RBL1: variants seen among roughly 807,000 people sequenced by gnomAD.
The protein encoded by RBL1 is retinoblastoma-like protein 1.
A neutral mutation model predicts 123.0 loss-of-function variants in RBL1; 82 were observed. The ratio of observed to expected loss-of-function variants is 0.67; its 90% CI spans 0.56 to 0.80. The LOEUF (loss-of-function observed/expected upper bound fraction) is 0.80. Among genes scored for constraint, RBL1 ranks in the 30% least tolerant of loss-of-function variants. The pLI is 0.00. For synonymous variants in RBL1, 405 were observed against 441.3 expected (o/e 0.92, Z 1.03); for missense variants, 1,171 against 1,299.6 (o/e 0.90, Z 1.52).
intron 1 of RBL1, among the ~76,000 whole-genome samples, chr20:37,090,014 TAC>T (rs2065622405): frequency 6.6e-6 from 1 of 152,224 alleles, no homozygotes; most frequent in African/African-American, 2.4e-5. Flanking sequence ...ATCGTGCCAC[TAC>T]AGTCTAGCCT....
At chr20:37,013,561 C>G (rs933124993) in intron 19 of RBL1, among the ~76,000 whole-genome samples, 52 of 144,144 alleles carry the variant, frequency 3.6e-4, no homozygotes, top group Admixed American at 2.2e-3. Context: ...TCTCCCTCTG[C>G]GAGAAACACC....
Position 37,055,590 on chromosome 20 carries a change from A to T in RBL1, c.1430T>A (p.Val477Asp). Residue 477 changes from valine to aspartate, a missense_variant, in exon 11 of 22, where the codon GTT becomes GAT. By Grantham distance (152) the Val-to-Asp change is radical. Transcript: ENST00000373664. ...TCCATGAAGTCTTCGTGTTTCCTGA[A>T]CCATTACAGTCTCTAGTATTTTATA... Reference protein sequence around the residue: ...LYYKILETVMVQETRRLHGMD... With the variant: ...LYYKILETVMDQETRRLHGMD... 6.2e-7 allele frequency: 1 copy of T among 1,614,122 alleles called. No individual in the cohort carries two copies. Among genetic ancestry groups the T allele is most frequent in the Non-Finnish European group, 8.5e-7 (1 of 1,180,034 alleles).
chr20:37,067,946 C>T, intron 3 of RBL1, 40 bp downstream of exon 3: 2 of 1,586,530 alleles, frequency 1.3e-6, no homozygotes, highest in South Asian at 1.2e-5. Flanking sequence ...TAGTTTGTAT[C>T]ATAATCTTTA....
intron 9 of RBL1, among the ~76,000 whole-genome samples, chr20:37,058,128 A>C (rs2065039605): frequency 7.1e-6 from 1 of 141,224 alleles, no homozygotes; most frequent in Non-Finnish European, 1.5e-5. Flanking sequence ...AAAAAAAAAA[A>C]ACAAAACAAA....
intron 12 of RBL1, 85 bp from the exon 13 acceptor site, chr20:37,044,335 C>T: frequency 8.4e-7 from 1 of 1,185,364 alleles, no homozygotes; most frequent in Non-Finnish European, 1.2e-6. Flanking sequence ...CTGTGGCTTT[C>T]TTCTTCTTCT....
At chr20:37,045,081 C>CTTACTTACTTACTTACTTAT (rs1555857366) in intron 12 of RBL1, among the ~76,000 whole-genome samples, 1 of 146,172 alleles carries the variant, frequency 6.8e-6, no homozygotes, top group Admixed American at 6.9e-5. Flanking sequence ...CATTTATTTA[C>CTTACTTACTTACTTACTTAT]TTATTTATTT....
chr20:37,032,763 A>C lies in RBL1; in HGVS notation c.2284T>G (p.Ser762Ala), dbSNP rs144106101. 14 of 1,613,930 alleles carry C rather than the reference A, an allele frequency of 8.7e-6. No individual in the cohort carries two copies. Among genetic ancestry groups the C allele is most frequent in the South Asian group, 1.1e-5 (1 of 91,082 alleles). The change falls in exon 16 of 22, where the codon TCT becomes GCT. Residue 762 changes from serine to alanine, a missense_variant. Coordinates refer to ENST00000373664, the MANE Select transcript of RBL1 (RefSeq NM_002895.5). Reference protein sequence around the residue: ...SLTAHSLIGASPKQTNLTKAQ... With the variant: ...SLTAHSLIGAAPKQTNLTKAQ... ...TTAGTCAGATTGGTCTGTTTTGGAGAAGCACCAATTAATGAATGAGCAGTA... is the reference window on the plus strand; with the variant it reads ...TTAGTCAGATTGGTCTGTTTTGGAGCAGCACCAATTAATGAATGAGCAGTA...
chr20:37,089,659 T>TAAA (rs542194813), intron 1 of RBL1, among the ~76,000 whole-genome samples: 1 of 135,466 alleles, frequency 7.4e-6, no homozygotes, highest in African/African-American at 2.7e-5. Flanking sequence ...TCCTGTCTCT[T>TAAA]AAAAAAAAAA....
At chr20:37,066,662 T>C (rs932475960) in intron 6 of RBL1, 62 bp downstream of exon 6, 1 of 1,487,784 alleles carries the variant, frequency 6.7e-7, no homozygotes, top group African/African-American at 1.4e-5. Flanking sequence ...TAAAACATTT[T>C]TTTCTTTTCA....
At chr20:37,089,867 A>T (rs2065620440) in intron 1 of RBL1, among the ~76,000 whole-genome samples, 1 of 152,124 alleles carries the variant, frequency 6.6e-6, no homozygotes. Flanking sequence ...CCTGGCCAAC[A>T]TGGCAAAACT....
At chr20:37,003,542 G>C in intron 21 of RBL1, 160 bp downstream of exon 21, 1 of 1,245,320 alleles carries the variant, frequency 8.0e-7, no homozygotes, top group Non-Finnish European at 1.0e-6. Context: ...ACCTCAAACT[G>C]AATATACTGC....
chr20:37,036,904 C>T (rs372356116), intron 14 of RBL1, among the ~76,000 whole-genome samples: 1 of 152,190 alleles, frequency 6.6e-6, no homozygotes, highest in African/African-American at 2.4e-5. Context: ...GGATTACAGG[C>T]GTGAGCCACT....
At chr20:37,059,334 G>A (rs1209611441) in intron 9 of RBL1, among the ~76,000 whole-genome samples, 1 of 152,142 alleles carries the variant, frequency 6.6e-6, no homozygotes, top group Non-Finnish European at 1.5e-5. Context: ...AGCTTTTCTT[G>A]GAGGACCAGG....
At chr20:37,044,406 T>C (rs1379118692) in intron 12 of RBL1, among the ~76,000 whole-genome samples, 156 bp from the exon 13 acceptor site, 1 of 152,078 alleles carries the variant, frequency 6.6e-6, no homozygotes, top group East Asian at 1.9e-4. Context: ...GGTGTGATCT[T>C]GGCTCACTGC....
chr20:36,999,153 T>C (rs2063922811), intron 21 of RBL1, among the ~76,000 whole-genome samples: 1 of 152,064 alleles, frequency 6.6e-6, no homozygotes, highest in Admixed American at 6.6e-5. Context: ...TGGCCTGTAA[T>C]ACCAGCACTT....
intron 19 of RBL1, among the ~76,000 whole-genome samples, chr20:37,010,439 G>T (rs901173830): frequency 1.3e-5 from 2 of 151,928 alleles, no homozygotes; most frequent in Non-Finnish European, 2.9e-5. Context: ...CATAATGATG[G>T]GTTATCTTCT....
At chr20:37,082,095 A>C in intron 2 of RBL1, 1 of 447,636 alleles carries the variant, frequency 2.2e-6, no homozygotes, top group Non-Finnish European at 4.5e-6. Context: ...CCAGGATCAT[A>C]AGGTTTCTCC....
intron 19 of RBL1, among the ~76,000 whole-genome samples, chr20:37,010,766 G>A (rs1393941740): frequency 6.6e-5 from 10 of 150,428 alleles, no homozygotes; most frequent in Admixed American, 5.9e-4. Flanking sequence ...GACTATGTGT[G>A]TGTGTGTGTG....
At chr20:37,001,282 C>G (rs77570888) in intron 21 of RBL1, among the ~76,000 whole-genome samples, 3,097 of 146,416 alleles carry the variant, frequency 0.021, no homozygotes, top group Non-Finnish European at 0.031. Flanking sequence ...CATTGAGAAC[C>G]GGCCATGATG....
Sources: allele counts gnomAD v4.1 joint callset (sites outside exome capture counted in the v4.1 genomes callset), GRCh38; gene constraint gnomAD v4.1.1; transcripts MANE v1.5; gene names NCBI Gene and HGNC (gene_info 2026-07-23, HGNC 2026-07-21).